TRHDE: variants seen among roughly 807,000 people sequenced by gnomAD.
The protein encoded by TRHDE is thyrotropin releasing hormone degrading enzyme.
A neutral mutation model predicts 125.7 loss-of-function variants in TRHDE; 72 were observed. That is an observed-to-expected ratio of 0.57 (90% CI 0.47 to 0.70). TRHDE has a LOEUF of 0.70. TRHDE is among the 30% of genes least tolerant of loss of function. The pLI, the probability that TRHDE is intolerant of heterozygous loss-of-function variation, is 0.00. For synonymous variants in TRHDE, 509 were observed against 509.1 expected (o/e 1.00, Z 0.00); for missense variants, 1,110 against 1,327.1 (o/e 0.84, Z 2.54).
chr12:72,637,983 G>T (rs566386383), intron 15 of TRHDE, among the ~76,000 whole-genome samples: 1 of 152,016 alleles, frequency 6.6e-6, no homozygotes, highest in South Asian at 2.1e-4. Context: ...ATATTCTGTC[G>T]ATTTGGGGTG....
At chr12:72,230,061 G>A (rs1452939437) in intron 2 of TRHDE, among the ~76,000 whole-genome samples, 1 of 152,112 alleles carries the variant, frequency 6.6e-6, no homozygotes, top group Non-Finnish European at 1.5e-5. Context: ...TGACGGTTTT[G>A]TTCCTACAAA....
intron 3 of TRHDE, among the ~76,000 whole-genome samples, chr12:72,463,404 G>T (rs1031171563): frequency 6.6e-6 from 1 of 152,198 alleles, no homozygotes; most frequent in Non-Finnish European, 1.5e-5. Flanking sequence ...ATAAGTTTGA[G>T]TGTGGACAAC....
chr12:72,251,575 A>T (rs911105825), intron 2 of TRHDE, among the ~76,000 whole-genome samples: 1 of 152,048 alleles, frequency 6.6e-6, no homozygotes, highest in Non-Finnish European at 1.5e-5. Context: ...ATGGTAGGAC[A>T]CCTGAGACGG....
chr12:72,534,691 G>T (rs1868758870), intron 6 of TRHDE, among the ~76,000 whole-genome samples: 1 of 151,972 alleles, frequency 6.6e-6, no homozygotes, highest in African/African-American at 2.4e-5. Context: ...TTAATTCTAA[G>T]AAAAATTTTG....
chr12:72,358,091 G>A (rs1870902654), intron 2 of TRHDE, among the ~76,000 whole-genome samples: 1 of 151,548 alleles, frequency 6.6e-6, no homozygotes, highest in African/African-American at 2.4e-5. Flanking sequence ...AGGAGGGATT[G>A]ATAACCTATA....
chr12:72,540,341 A>G (rs1869083394), intron 6 of TRHDE, among the ~76,000 whole-genome samples: 1 of 151,806 alleles, frequency 6.6e-6, no homozygotes, highest in Non-Finnish European at 1.5e-5. Context: ...TACTGATTGT[A>G]CTTCTAGTTT....
At chr12:72,108,027 T>C (rs1213064972) in intron 2 of TRHDE, among the ~76,000 whole-genome samples, 3 of 152,054 alleles carry the variant, frequency 2.0e-5, no homozygotes, top group Non-Finnish European at 4.4e-5. Context: ...TTGCCTGTAT[T>C]TCAAATATAA....
At chr12:72,307,192 G>A (rs1013940134) in intron 2 of TRHDE, among the ~76,000 whole-genome samples, 5 of 152,108 alleles carry the variant, frequency 3.3e-5, no homozygotes, top group Non-Finnish European at 7.4e-5. Flanking sequence ...TGTCGCTCTG[G>A]CTGGAGTGCA....
At position 72,669,871 on chromosome 12, in the gene TRHDE, A is replaced by G. The variant is rs1875207706; in HGVS notation, c.*6676A>G. On this transcript the variant is annotated 3_prime_UTR_variant, in exon 19 of 19. Transcript: ENST00000261180. Reference sequence around the variant, plus strand: ...TTTTCATTTTTCATTTTTCATTGCTATCTTTTAATCCCTTTGCATTTTGAT... The same window carrying G: ...TTTTCATTTTTCATTTTTCATTGCTGTCTTTTAATCCCTTTGCATTTTGAT... 6.6e-6 allele frequency: 1 copy of G among 151,644 alleles called. No individual in the cohort carries two copies. The highest frequency in any genetic ancestry group is 6.6e-5 in the Admixed American group (1 of 15,156). 9.4% of individuals were successfully genotyped at this position (151,644 alleles called of 1,614,324 possible).
Position 72,499,618 on chromosome 12 carries a change from T to C in TRHDE, c.1705T>C (p.Trp569Arg), listed in dbSNP as rs1313262642. 1 of 1,613,396 alleles carries C rather than the reference T, an allele frequency of 6.2e-7. No individual in the cohort carries two copies. The highest frequency in any genetic ancestry group is 2.2e-5 in the East Asian group (1 of 44,844). The change falls in exon 6 of 19, where the codon TGG becomes CGG. Residue 569 changes from tryptophan to arginine, a missense_variant. By Grantham distance (101) the Trp-to-Arg change is moderately radical (BLOSUM62 -3). Around this residue, in one of 5 missense-constraint regions of TRHDE, gnomAD observed 527 missense variants for 651.8 expected, o/e 0.81. Coordinates refer to ENST00000261180, the MANE Select transcript of TRHDE (RefSeq NM_013381.3). ...AACAGATATTGACAGGGTGTTTGAC[T>C]GGATCGCATATAAAAAGGTGGGAAT... The part of the protein sequence containing the change: ...QATDIDRVFD[W>R]IAYKKGAALI...
intron 2 of TRHDE, among the ~76,000 whole-genome samples, chr12:72,215,591 A>T (rs1308537838): frequency 6.6e-6 from 1 of 152,114 alleles, no homozygotes; most frequent in Non-Finnish European, 1.5e-5. Flanking sequence ...ACCCTTACCA[A>T]ATTGTCATGG....
intron 2 of TRHDE, among the ~76,000 whole-genome samples, chr12:72,215,688 G>T (rs1265657587): frequency 6.6e-6 from 1 of 152,100 alleles, no homozygotes; most frequent in Non-Finnish European, 1.5e-5. Context: ...AGCTTTGTTT[G>T]GTGTCTTCAG....
At chr12:72,191,942 C>CT (rs1043906099) in intron 2 of TRHDE, among the ~76,000 whole-genome samples, 16 of 152,244 alleles carry the variant, frequency 1.1e-4, no homozygotes, top group African/African-American at 3.9e-4. Context: ...AGCTGTCTGC[C>CT]TAAAAGTCTC....
intron 2 of TRHDE, among the ~76,000 whole-genome samples, chr12:72,290,681 T>C (rs1880053992): frequency 6.6e-6 from 1 of 152,184 alleles, no homozygotes; most frequent in Admixed American, 6.5e-5. Flanking sequence ...GTGTCATCAG[T>C]CTTCTGGGAT....
In TRHDE at chr12:72,286,921, A is replaced by C. The variant is rs1194170072; in HGVS notation, c.1155A>C (p.Thr385=). 3.7e-6 allele frequency: 6 copies of C among 1,613,868 alleles called. No individual in the cohort carries two copies. The highest frequency in any genetic ancestry group is 1.7e-5 in the Admixed American group (1 of 59,964). ...YYLAWAICNF[T]YRETTTKSGV... is the part of the protein sequence containing the mutation. Reference sequence around the variant, plus strand: ...TAGCCTGGGCAATTTGCAACTTCACATACAGAGAAACTACCACCAAGAGTG... The same window carrying C: ...TAGCCTGGGCAATTTGCAACTTCACCTACAGAGAAACTACCACCAAGAGTG... The change falls in exon 2 of 19, where the codon ACA becomes ACC. Residue 385 remains threonine, a synonymous_variant. Transcript: ENST00000261180.
chr12:72,663,392 T>C lies in TRHDE; in HGVS notation c.*197T>C. The C allele has an allele frequency of 2.4e-6, 1 of 421,110 alleles. No individual in the cohort carries two copies. Among genetic ancestry groups the C allele is most frequent in the Non-Finnish European group, 4.2e-6 (1 of 239,162 alleles). 26.1% of individuals were successfully genotyped at this position (421,110 alleles called of 1,614,324 possible). On this transcript the variant is annotated 3_prime_UTR_variant, in exon 19 of 19. Transcript: ENST00000261180. ...TGTTTCATTCATTCTGTTCTGTTTCTCTACTGGGTGTTCCTCTCTAAAGAA... is the reference window on the plus strand; with the variant it reads ...TGTTTCATTCATTCTGTTCTGTTTCCCTACTGGGTGTTCCTCTCTAAAGAA...
At chr12:72,563,366 G>C (rs986925051) in intron 9 of TRHDE, among the ~76,000 whole-genome samples, 1 of 152,136 alleles carries the variant, frequency 6.6e-6, no homozygotes, top group Admixed American at 6.5e-5. Context: ...ATGTGTTGCT[G>C]TGAATTAAAA....
chr12:72,095,693 G>A (rs1470790039), intron 1 of TRHDE, among the ~76,000 whole-genome samples: 1 of 152,172 alleles, frequency 6.6e-6, no homozygotes, highest in Admixed American at 6.5e-5. Flanking sequence ...TCTGGATTTT[G>A]TAAGACAGAA....
chr12:72,594,456 C>G (rs1871836442), intron 12 of TRHDE, among the ~76,000 whole-genome samples: 1 of 149,990 alleles, frequency 6.7e-6, no homozygotes, highest in South Asian at 2.1e-4. Context: ...GGCCTCAGGT[C>G]ATCCACCCGC....
Sources: allele counts gnomAD v4.1 joint callset (sites outside exome capture counted in the v4.1 genomes callset), GRCh38; gene constraint gnomAD v4.1.1; regional missense constraint gnomAD v4.1.1; transcripts MANE v1.5; gene names NCBI Gene and HGNC (gene_info 2026-07-23, HGNC 2026-07-21).